Variants in RNF13 observed in about 807,000 individuals in gnomAD.
RNF13 encodes ring finger protein 13.
RNF13 carries 19 observed loss-of-function variants against 37.7 expected under a neutral mutation model. The ratio of observed to expected loss-of-function variants is 0.50; its 90% CI spans 0.35 to 0.74. RNF13 has a LOEUF of 0.74. Among genes scored for constraint, RNF13 ranks in the 30% least tolerant of loss-of-function variants. The pLI is 0.01. For synonymous variants in RNF13, 144 were observed against 157.8 expected (o/e 0.91, Z 0.65); for missense variants, 375 against 453.0 (o/e 0.83, Z 1.56).
intron 8 of RNF13, among the ~76,000 whole-genome samples, chr3:149,921,997 G>C (rs531722479): frequency 6.6e-6 from 1 of 151,420 alleles, no homozygotes; most frequent in East Asian, 1.9e-4. Flanking sequence ...CTTTTGAGAC[G>C]GAGTCTCACT....
chr3:149,828,349 A>G (rs1720703922), intron 1 of RNF13, among the ~76,000 whole-genome samples: 3 of 152,238 alleles, frequency 2.0e-5, no homozygotes, highest in Admixed American at 1.3e-4. Context: ...TTTTCTATCA[A>G]TGTTGGCTAC....
At chr3:149,928,451 G>T (rs1718858905) in intron 8 of RNF13, among the ~76,000 whole-genome samples, 1 of 151,906 alleles carries the variant, frequency 6.6e-6, no homozygotes, top group Admixed American at 6.6e-5. Flanking sequence ...GAATATCTTG[G>T]CACTCTCATC....
At chr3:149,887,038 G>T (rs1714115693) in intron 4 of RNF13, among the ~76,000 whole-genome samples, 1 of 152,068 alleles carries the variant, frequency 6.6e-6, no homozygotes, top group Admixed American at 6.6e-5. Context: ...TGTGATTTCA[G>T]TACTTTTAAA....
rs142874847 is a variant in RNF13, at chr3:149,866,014, T to C, written c.196-6015T>C. On this transcript the variant is annotated intron_variant, in intron 3 of 9. Coordinates refer to ENST00000392894, the MANE Select transcript of RNF13 (RefSeq NM_183381.3). Reference sequence around the variant, plus strand: ...TTTTTATGATTATTTCTTGATGATATGCTAAACAAGGGGTGGGATTATTTC... The same window carrying C: ...TTTTTATGATTATTTCTTGATGATACGCTAAACAAGGGGTGGGATTATTTC... Among the ~76,000 whole-genome samples the C allele has an allele frequency of 9.2e-5, 14 of 152,292 alleles. No homozygotes were observed. In the East Asian group the frequency reaches 2.7e-3, roughly 29 times the overall value.
chr3:149,888,899 A>G (rs1714341154), intron 4 of RNF13, among the ~76,000 whole-genome samples: 4 of 152,214 alleles, frequency 2.6e-5, no homozygotes, highest in African/African-American at 9.6e-5. Flanking sequence ...ATGTGAATAG[A>G]TTGCATTTTA....
At chr3:149,877,059 C>T (rs62268820) in intron 4 of RNF13, among the ~76,000 whole-genome samples, 6 of 151,932 alleles carry the variant, frequency 3.9e-5, no homozygotes, top group Non-Finnish European at 8.8e-5. Context: ...GGATTACAGG[C>T]GTGAGCCACC....
chr3:149,896,590 C>T (rs1182460834), intron 5 of RNF13, among the ~76,000 whole-genome samples: 1 of 151,872 alleles, frequency 6.6e-6, no homozygotes, highest in Non-Finnish European at 1.5e-5. Flanking sequence ...AGCGATTCTC[C>T]TGCCTCAGCC....
intron 1 of RNF13, among the ~76,000 whole-genome samples, chr3:149,818,098 G>A (rs1719648368): frequency 6.6e-6 from 1 of 152,152 alleles, no homozygotes; most frequent in Non-Finnish European, 1.5e-5. Flanking sequence ...AGCATGAGAA[G>A]AAGGTTTACT....
intron 1 of RNF13, among the ~76,000 whole-genome samples, chr3:149,841,470 G>A (rs1722171949): frequency 6.6e-6 from 1 of 152,170 alleles, no homozygotes; most frequent in African/African-American, 2.4e-5. Context: ...TTTGAAGATA[G>A]AAGAGAGTGT....
At chr3:149,818,189 A>G (rs1405057802) in intron 1 of RNF13, among the ~76,000 whole-genome samples, 1 of 152,146 alleles carries the variant, frequency 6.6e-6, no homozygotes, top group Non-Finnish European at 1.5e-5. Flanking sequence ...TCACTCAAAT[A>G]TTTGTTGAGT....
intron 5 of RNF13, among the ~76,000 whole-genome samples, chr3:149,900,953 T>C (rs549892803): frequency 1.5e-4 from 23 of 152,268 alleles, no homozygotes; most frequent in African/African-American, 5.1e-4. Context: ...ATCAAGATTT[T>C]AAACCTTGTC....
intron 5 of RNF13, among the ~76,000 whole-genome samples, chr3:149,896,206 A>T (rs1715244169): frequency 6.6e-6 from 1 of 152,176 alleles, no homozygotes; most frequent in African/African-American, 2.4e-5. Context: ...AATTGATACT[A>T]AGATGATTTA....
intron 4 of RNF13, among the ~76,000 whole-genome samples, chr3:149,873,845 T>A (rs1712373990): frequency 1.3e-5 from 2 of 152,220 alleles, no homozygotes. Flanking sequence ...TTATTGAATA[T>A]ATATATCTCA....
intron 6 of RNF13, among the ~76,000 whole-genome samples, chr3:149,909,811 A>G (rs1716803074): frequency 6.6e-6 from 1 of 151,920 alleles, no homozygotes; most frequent in African/African-American, 2.4e-5. Flanking sequence ...GGACTTCCTG[A>G]TTTGTTCTTT....
chr3:149,881,579 C>T (rs1432812702), intron 4 of RNF13, among the ~76,000 whole-genome samples: 4 of 152,188 alleles, frequency 2.6e-5, no homozygotes, highest in African/African-American at 4.8e-5. Context: ...GATCCACCCA[C>T]CTCGGCCTTC....
intron 5 of RNF13, among the ~76,000 whole-genome samples, chr3:149,897,204 C>T (rs566959898): frequency 6.6e-6 from 1 of 152,332 alleles, no homozygotes; most frequent in East Asian, 1.9e-4. Context: ...AATTCGAAAT[C>T]AAATCCTACT....
chr3:149,945,208 T>C (rs551285064), intron 8 of RNF13, among the ~76,000 whole-genome samples: 1 of 152,388 alleles, frequency 6.6e-6, no homozygotes, highest in South Asian at 2.1e-4. Flanking sequence ...TTTTGGTTAC[T>C]GTAGCCTTGT....
In RNF13 at chr3:149,870,750, A is replaced by G. The variant is rs573657003; in HGVS notation, c.196-1279A>G. Among the ~76,000 whole-genome samples the G allele has an allele frequency of 6.6e-5, 10 of 151,962 alleles. No homozygotes were observed. In the South Asian group the frequency reaches 2.1e-3, roughly 32 times the overall value. ...AAGAAGAGGAGCTATTATATGAGCA[A>G]ATGAAAGAGTGATACATTTTATACC... On this transcript the variant is annotated intron_variant, in intron 3 of 9. Transcript: ENST00000392894.
At chr3:149,861,101 A>C (rs1386890328) in intron 3 of RNF13, among the ~76,000 whole-genome samples, 1 of 150,958 alleles carries the variant, frequency 6.6e-6, no homozygotes, top group Non-Finnish European at 1.5e-5. Flanking sequence ...TTAAAATGAC[A>C]AAAAAAAAGA....
Sources: allele counts gnomAD v4.1 joint callset (sites outside exome capture counted in the v4.1 genomes callset), GRCh38; gene constraint gnomAD v4.1.1; transcripts MANE v1.5; gene names NCBI Gene and HGNC (gene_info 2026-07-23, HGNC 2026-07-21).